Variants in DNAJC6 observed in about 807,000 individuals in gnomAD.
DNAJC6 encodes the protein auxilin.
DNAJC6 carries 34 observed loss-of-function variants against 110.0 expected under a neutral mutation model. The observed-to-expected ratio is 0.31, with a 90% CI of 0.24 to 0.41. The LOEUF is 0.41. DNAJC6 is among the 10% of genes least tolerant of loss of function. The pLI, the probability that DNAJC6 is intolerant of heterozygous loss-of-function variation, is 1.00. For synonymous variants in DNAJC6, 406 were observed against 437.2 expected, an observed-to-expected ratio of 0.93 and a Z score of 0.89; for missense variants, 1,031 against 1,207.8, an observed-to-expected ratio of 0.85 and a Z score of 2.17.
rs545307978 is a variant in DNAJC6 at position 65,313,410 on chromosome 1, A to C, written c.193+3472A>C. Among the ~76,000 whole-genome samples the C allele has an allele frequency of 1.6e-4, 24 of 152,288 alleles. No homozygotes were observed. The South Asian group carries it at 4.8e-3, about 30-fold the overall frequency. The stretch of plus-strand genomic sequence containing the variant: ...GAATCATAAGAGCTGTTCTTACCAC[A>C]GAGCTTTAGTTGAGGCTGAAAACAA... On this transcript the variant is annotated intron_variant, in intron 1 of 18. Transcript: ENST00000371069.
intron 4 of DNAJC6, among the ~76,000 whole-genome samples, chr1:65,374,073 C>A (rs1316410801): frequency 2.6e-5 from 4 of 152,118 alleles, no homozygotes; most frequent in African/African-American, 9.7e-5. Context: ...GAATCTTTGT[C>A]AAAGATGAAT....
rs1008960189 is a variant in DNAJC6, at chr1:65,413,715, C to T, written c.*690C>T. Reference sequence around the variant, plus strand: ...AAGAAAATAGGGACTCTGAAGATGTCGAAATCTTTATTCCTGGTTAGGAAG... The same window carrying T: ...AAGAAAATAGGGACTCTGAAGATGTTGAAATCTTTATTCCTGGTTAGGAAG... On this transcript the variant is annotated 3_prime_UTR_variant, in exon 19 of 19. Transcript: ENST00000371069. 5.3e-5 allele frequency: 8 copies of T among 152,112 alleles called. No individual in the cohort carries two copies. The highest frequency in any genetic ancestry group is 1.5e-5 in the Non-Finnish European group (1 of 68,014). The allele number at this position is 152,112 out of a possible 1,614,324, so 9.4% of individuals were successfully genotyped here.
At chr1:65,332,489 AT>A (rs1390272857) in intron 1 of DNAJC6, among the ~76,000 whole-genome samples, 1 of 152,238 alleles carries the variant, frequency 6.6e-6, no homozygotes, top group Non-Finnish European at 1.5e-5. Context: ...ATATTTTGGA[AT>A]TTATTTATTA....
intron 1 of DNAJC6, among the ~76,000 whole-genome samples, chr1:65,293,880 G>A (rs1443507583): frequency 6.6e-6 from 1 of 152,092 alleles, no homozygotes; most frequent in Non-Finnish European, 1.5e-5. Flanking sequence ...TTCTATTAGT[G>A]TATTTTCCCA....
chr1:65,401,635 T>G, intron 14 of DNAJC6, 126 bp from the exon 15 acceptor site: 1 of 1,338,218 alleles, frequency 7.5e-7, no homozygotes, highest in Non-Finnish European at 1.0e-6. Flanking sequence ...TAGCAACTTC[T>G]TAGACATTTT....
rs147582533 is a variant in DNAJC6, at chr1:65,379,740, C to T, written c.666+216C>T. On this transcript the variant is annotated intron_variant, in intron 5 of 18. Transcript: ENST00000371069. Reference sequence around the variant, plus strand: ...GTGGGAAAGGCAGATGTATACACAACTCACATAGTGTGGGGACTCTAGAAT... The same window carrying T: ...GTGGGAAAGGCAGATGTATACACAATTCACATAGTGTGGGGACTCTAGAAT... 3,622 of 556,272 alleles carry T rather than the reference C, an allele frequency of 6.5e-3. 23 individuals are homozygous for T. The highest frequency in any genetic ancestry group is 0.012 in the South Asian group (451 of 38,552). 34.5% of individuals were successfully genotyped at this position (556,272 alleles called of 1,614,324 possible). A position where few individuals can be genotyped will look rare whatever the true frequency, so the allele number is the denominator to read the frequency against.
intron 1 of DNAJC6, among the ~76,000 whole-genome samples, chr1:65,284,758 G>A (rs1653960097): frequency 6.6e-6 from 1 of 151,196 alleles, no homozygotes; most frequent in African/African-American, 2.4e-5. Flanking sequence ...GTGCGATCTC[G>A]GCTCACTGCA....
At chr1:65,330,489 G>C (rs1645278162) in intron 1 of DNAJC6, among the ~76,000 whole-genome samples, 1 of 151,778 alleles carries the variant, frequency 6.6e-6, no homozygotes, top group Non-Finnish European at 1.5e-5. Flanking sequence ...TGTTTTTTGA[G>C]ACGGAGTCTT....
In DNAJC6 at chr1:65,274,635, A is replaced by G. The variant is rs1653605706; in HGVS notation, c.-131+9703A>G. On this transcript the variant is annotated intron_variant, in intron 1 of 19. Transcript: ENST00000263441. ...CCCAGCCTATACTTTACTTTTTTCT[A>G]TACCCATATATGTAATCTGTATCTT... Among the ~76,000 whole-genome samples, 3 of 149,608 alleles carry G rather than the reference A, an allele frequency of 2.0e-5. No homozygotes were observed. In the South Asian group the frequency reaches 6.5e-4, roughly 32 times the overall value.
chr1:65,301,536 A>G (rs1644978724), intron 1 of DNAJC6, among the ~76,000 whole-genome samples: 1 of 152,150 alleles, frequency 6.6e-6, no homozygotes, highest in Non-Finnish European at 1.5e-5. Context: ...GGTTCCCATG[A>G]TCCCCTCTTT....
intron 5 of DNAJC6, among the ~76,000 whole-genome samples, chr1:65,383,816 C>T (rs749333340): frequency 1.2e-4 from 19 of 152,142 alleles, no homozygotes; most frequent in Admixed American, 1.3e-4. Flanking sequence ...ACATATATGC[C>T]ATATCCCAAC....
rs756852815 is a variant in DNAJC6 at position 65,411,434 on chromosome 1, T to C, written c.2811+8T>C. Reference sequence around the variant, plus strand: ...GTGGTGCACCCAGATAAAGTGGGTATAACCTGCCCTGTTGTGTAACTTGTC... The same window carrying C: ...GTGGTGCACCCAGATAAAGTGGGTACAACCTGCCCTGTTGTGTAACTTGTC... On this transcript the variant is annotated splice_region_variant and intron_variant, in intron 18 of 18. Transcript: ENST00000371069. 1.2e-6 allele frequency: 2 copies of C among 1,611,156 alleles called. No homozygotes were observed. The highest frequency in any genetic ancestry group is 1.7e-6 in the Non-Finnish European group (2 of 1,177,748).
In DNAJC6 at chr1:65,366,153, A is replaced by G; in HGVS notation, c.500A>G (p.Asn167Ser). Residue 167 changes from asparagine (N) to serine (S), a missense_variant, in exon 4 of 19, where the codon AAT becomes AGT. Transcript: ENST00000371069. ...SRHLDHYTVY[N>S]LSPKSYRTAK... is the part of the protein sequence containing the mutation. ...CATCTTGACCACTACACAGTATACA[A>G]TCTGTCACCTAAGTCTTATCGAACT... 2 of 1,613,812 alleles carry G rather than the reference A, an allele frequency of 1.2e-6. No homozygotes were observed. The highest frequency in any genetic ancestry group is 1.7e-6 in the Non-Finnish European group (2 of 1,179,786).
chr1:65,371,406 T>C, intron 4 of DNAJC6, among the ~76,000 whole-genome samples: 1 of 152,014 alleles, frequency 6.6e-6, no homozygotes, highest in East Asian at 1.9e-4. Context: ...TTTTTATAGG[T>C]TTGTTGTAAG....
At position 65,309,940 on chromosome 1, in the gene DNAJC6, T is replaced by TAGCGCTGCCCGAGGGGAGTGC; in HGVS notation, c.193+10_193+30dup. 6.9e-7 allele frequency: 1 copy of TAGCGCTGCCCGAGGGGAGTGC among 1,459,684 alleles called. No individual in the cohort carries two copies. The highest frequency in any genetic ancestry group is 1.5e-5 in the African/African-American group (1 of 67,518). The allele number at this position is 1,459,684 out of a possible 1,614,324, so 90.4% of individuals were successfully genotyped here. On this transcript the variant is annotated splice_region_variant and intron_variant, in intron 1 of 18. Transcript: ENST00000371069. Reference sequence around the variant, plus strand: ...GCGCCAGCACCATGGACAGCTCAGGTAGCGCTGCCCGAGGGGAGTGCAGCG... The same window carrying TAGCGCTGCCCGAGGGGAGTGC: ...GCGCCAGCACCATGGACAGCTCAGGTAGCGCTGCCCGAGGGGAGTGCAGCGCTGCCCGAGGGGAGTGCAGCG...
Position 65,413,099 on chromosome 1 carries a change from A to G in DNAJC6, c.*74A>G. 1.5e-6 allele frequency: 2 copies of G among 1,329,792 alleles called. No individual in the cohort carries two copies. Among genetic ancestry groups the G allele is most frequent in the Non-Finnish European group, 1.1e-6 (1 of 944,578 alleles). 82.4% of individuals were successfully genotyped at this position (1,329,792 alleles called of 1,614,324 possible). A position where few individuals can be genotyped will look rare whatever the true frequency, so the allele number is the denominator to read the frequency against. ...TGTGTCACAATTCTGAGGTTTTCGC[A>G]GATGAACCAAAAACTCCAGTAACAT... On this transcript the variant is annotated 3_prime_UTR_variant, in exon 19 of 19. Coordinates refer to ENST00000371069, the MANE Select transcript of DNAJC6 (RefSeq NM_001256864.2).
At chr1:65,325,803 T>C (rs1645236649) in intron 1 of DNAJC6, among the ~76,000 whole-genome samples, 1 of 152,266 alleles carries the variant, frequency 6.6e-6, no homozygotes, top group South Asian at 2.1e-4. Context: ...TATAGCCTGC[T>C]ATGCACTTAG....
intron 1 of DNAJC6, among the ~76,000 whole-genome samples, chr1:65,271,104 CAT>C (rs1227606379): frequency 6.6e-6 from 1 of 151,854 alleles, no homozygotes; most frequent in Non-Finnish European, 1.5e-5. Flanking sequence ...ACTTAAAAAA[CAT>C]TATTATTTTT....
At chr1:65,345,707 C>T in intron 1 of DNAJC6, 2 of 982,634 alleles carry the variant, frequency 2.0e-6, no homozygotes. Flanking sequence ...AGGAACCAAC[C>T]TCCTACTACC....
Sources: allele counts gnomAD v4.1 joint callset (sites outside exome capture counted in the v4.1 genomes callset), GRCh38; gene constraint gnomAD v4.1.1; transcripts MANE v1.5; gene names NCBI Gene and HGNC (gene_info 2026-07-23, HGNC 2026-07-21).